Variants in EXOC6 observed in about 807,000 individuals in gnomAD.
EXOC6 encodes SEC15-like 1.
In EXOC6, 60 loss-of-function variants were observed where a neutral mutation model predicts 112.5. The ratio of observed to expected loss-of-function variants is 0.53; its 90% CI spans 0.43 to 0.66. The LOEUF is 0.66. Ranked by LOEUF, EXOC6 falls within the 30% of genes least tolerant of loss-of-function variation. EXOC6 has a pLI of 0.00. For synonymous variants in EXOC6, 295 were observed against 308.0 expected, an observed-to-expected ratio of 0.96 and a Z score of 0.44; for missense variants, 855 against 957.1, an observed-to-expected ratio of 0.89 and a Z score of 1.41.
intron 20 of EXOC6, among the ~76,000 whole-genome samples, chr10:93,033,016 T>C (rs997458173): frequency 8.5e-5 from 13 of 152,080 alleles, no homozygotes; most frequent in African/African-American, 2.9e-4. Context: ...TAATGTAGTG[T>C]GCAAGAGGAA....
chr10:92,981,908 G>A (rs910025623), intron 18 of EXOC6, among the ~76,000 whole-genome samples: 2 of 152,186 alleles, frequency 1.3e-5, no homozygotes, highest in Non-Finnish European at 2.9e-5. Context: ...ATGAGGTCAG[G>A]AGTTCGAGAC....
chr10:92,897,051 C>T (rs1849866450), intron 4 of EXOC6, among the ~76,000 whole-genome samples: 1 of 152,148 alleles, frequency 6.6e-6, no homozygotes, highest in South Asian at 2.1e-4. Context: ...TTGCCACCGT[C>T]AGGTGCATTG....
chr10:93,044,611 A>T (rs547565585), intron 20 of EXOC6, among the ~76,000 whole-genome samples: 1 of 152,292 alleles, frequency 6.6e-6, no homozygotes, highest in Non-Finnish European at 1.5e-5. Flanking sequence ...CTGAGGCCTT[A>T]TCTCTATAAA....
intron 20 of EXOC6, among the ~76,000 whole-genome samples, chr10:93,027,432 C>G (rs1344335288): frequency 7.5e-6 from 1 of 133,502 alleles, no homozygotes; most frequent in African/African-American, 2.8e-5. Context: ...GTAGATCAAA[C>G]AACCTTCTAT....
Position 93,014,285 on chromosome 10 carries a change from A to G in EXOC6, c.2169+18A>G. ...TCAGACAAGTAAGATATAATAATGT[A>G]CTTCCCATTTGTTGCCCTCTAACTC... On this transcript the variant is annotated intron_variant, in intron 20 of 21. Transcript: ENST00000260762. 1 of 1,595,126 alleles carries G rather than the reference A, an allele frequency of 6.3e-7. No individual in the cohort carries two copies.
chr10:92,895,859 CTTTT>C (rs34229333), intron 4 of EXOC6, among the ~76,000 whole-genome samples: 1 of 122,206 alleles, frequency 8.2e-6, no homozygotes, highest in Non-Finnish European at 1.7e-5. Context: ...CACACCCGGC[CTTTT>C]TTTTTTTTTT....
intron 19 of EXOC6, among the ~76,000 whole-genome samples, chr10:93,012,245 TA>T (rs1564909525): frequency 6.6e-5 from 10 of 152,126 alleles, no homozygotes. Context: ...AGAGTAAAGA[TA>T]AAATTAATAA....
chr10:92,859,821 ATGTGTG>A (rs10617958), intron 1 of EXOC6, among the ~76,000 whole-genome samples: 15,263 of 141,594 alleles, frequency 0.11, 827 homozygotes, highest in Middle Eastern at 0.14. Flanking sequence ...GTTTGTGTGC[ATGTGTG>A]TGTGTGTGTG....
At chr10:92,998,663 C>CAT (rs1301440572) in intron 19 of EXOC6, among the ~76,000 whole-genome samples, 4 of 149,552 alleles carry the variant, frequency 2.7e-5, no homozygotes, top group Non-Finnish European at 5.9e-5. Context: ...CACACACACA[C>CAT]ACTCCAAAGT....
At chr10:92,921,440 G>A (rs189838008) in intron 8 of EXOC6, among the ~76,000 whole-genome samples, 8 of 151,406 alleles carry the variant, frequency 5.3e-5, no homozygotes, top group Middle Eastern at 3.4e-3. Context: ...TAGAAATGGG[G>A]TTTCACCTTG....
chr10:92,896,067 A>ATATG (rs1554889050), intron 4 of EXOC6, among the ~76,000 whole-genome samples: 5 of 54,182 alleles, frequency 9.2e-5, no homozygotes, highest in East Asian at 1.9e-3. Context: ...GTGTATATAT[A>ATATG]TGTGTATATA....
intron 1 of EXOC6, among the ~76,000 whole-genome samples, chr10:92,849,993 C>T (rs1847245858): frequency 6.6e-6 from 1 of 152,178 alleles, no homozygotes; most frequent in African/African-American, 2.4e-5. Context: ...ATAATTAGTG[C>T]ATTTCCTTAA....
Position 92,988,032 on chromosome 10 carries a change from A to G in EXOC6, c.1954-9442A>G, listed in dbSNP as rs1843078982. On this transcript the variant is annotated intron_variant, in intron 18 of 21. Transcript: ENST00000260762. ...TGCTTGGCATATAATAAATACTCAAAAAATATTAGTTGTTATCGTTACTTG... is the reference window on the plus strand; with the variant it reads ...TGCTTGGCATATAATAAATACTCAAGAAATATTAGTTGTTATCGTTACTTG... Among the ~76,000 whole-genome samples, 11 of 152,306 alleles carry G rather than the reference A, an allele frequency of 7.2e-5. 2 individuals carry two copies. In the South Asian group the frequency reaches 2.3e-3, roughly 32 times the overall value.
At position 93,045,210 on chromosome 10, in the gene EXOC6, A is replaced by G. The variant is rs189675348; in HGVS notation, c.2170-11714A>G. 2.0e-5 allele frequency among the ~76,000 whole-genome samples: 3 copies of G among 152,314 alleles called. No individual in the cohort carries two copies. In the East Asian group the frequency reaches 5.8e-4, roughly 29 times the overall value. ...TAATTTTAGTTCAGCCTTAAAGAAAAGCCAGTCATTGTTTATAACTAATAG... is the reference window on the plus strand; with the variant it reads ...TAATTTTAGTTCAGCCTTAAAGAAAGGCCAGTCATTGTTTATAACTAATAG... On this transcript the variant is annotated intron_variant, in intron 20 of 21. Transcript: ENST00000260762.
chr10:92,875,838 T>C (rs1848665562), intron 1 of EXOC6, among the ~76,000 whole-genome samples: 1 of 152,102 alleles, frequency 6.6e-6, no homozygotes, highest in Non-Finnish European at 1.5e-5. Flanking sequence ...GCAGTGACTA[T>C]AATATATAGA....
intron 18 of EXOC6, among the ~76,000 whole-genome samples, chr10:92,996,606 C>CAA (rs34210520): frequency 0.014 from 1,980 of 141,904 alleles, 37 homozygotes; most frequent in African/African-American, 0.041. Flanking sequence ...GACTCTGTCT[C>CAA]AAAAAAAAAA....
intron 1 of EXOC6, among the ~76,000 whole-genome samples, chr10:92,889,458 G>C (rs1027424181): frequency 6.6e-6 from 1 of 152,094 alleles, no homozygotes; most frequent in African/African-American, 2.4e-5. Context: ...AAAAACTGAT[G>C]AACCTACATT....
Position 92,870,838 on chromosome 10 carries a change from T to G in EXOC6, c.101+22204T>G, listed in dbSNP as rs566538186. 1.1e-4 allele frequency among the ~76,000 whole-genome samples: 16 copies of G among 152,094 alleles called. 3 individuals are homozygous for G. In the South Asian group the frequency reaches 3.4e-3, roughly 32 times the overall value. Reference sequence around the variant, plus strand: ...GATTCTCCTGCCTCAGCCTCCTGAGTAGCTGGGATTACAGGCATGCGCCAC... The same window carrying G: ...GATTCTCCTGCCTCAGCCTCCTGAGGAGCTGGGATTACAGGCATGCGCCAC... On this transcript the variant is annotated intron_variant, in intron 1 of 21. Coordinates refer to ENST00000260762, the MANE Select transcript of EXOC6 (RefSeq NM_019053.6).
At chr10:92,932,851 TAAG>T (rs1322944427) in intron 9 of EXOC6, among the ~76,000 whole-genome samples, 1 of 152,066 alleles carries the variant, frequency 6.6e-6, no homozygotes, top group Admixed American at 6.6e-5. Context: ...GCAGCAGCAA[TAAG>T]AAAAAATAAG....
Sources: allele counts gnomAD v4.1 joint callset (sites outside exome capture counted in the v4.1 genomes callset), GRCh38; gene constraint gnomAD v4.1.1; transcripts MANE v1.5; gene names NCBI Gene and HGNC (gene_info 2026-07-23, HGNC 2026-07-21).